The following CDC42SE2 variants were observed in gnomAD, a reference collection of about 807,000 sequenced individuals.
CDC42SE2 encodes CDC42 small effector 2.
Under a neutral mutation model 11.5 loss-of-function variants are expected in CDC42SE2, and 3 were observed. That is an observed-to-expected ratio of 0.26 (90% CI 0.12 to 0.67). The LOEUF (loss-of-function observed/expected upper bound fraction) is 0.67. CDC42SE2 is among the 30% of genes least tolerant of loss of function. CDC42SE2 has a pLI of 0.80. For synonymous variants in CDC42SE2, 33 were observed against 34.8 expected (o/e 0.95, Z 0.18); for missense variants, 82 against 106.8 (o/e 0.77, Z 1.02).
chr5:131,339,891 A>G (rs1308546081), intron 2 of CDC42SE2, among the ~76,000 whole-genome samples: 2 of 152,170 alleles, frequency 1.3e-5, no homozygotes, highest in Non-Finnish European at 2.9e-5. Flanking sequence ...GTTAAATAGC[A>G]GAATAGAAAC....
the CDC42SE2 span, among the ~76,000 whole-genome samples, chr5:131,211,415 T>G: frequency 6.6e-6 from 1 of 152,252 alleles, no homozygotes; most frequent in African/African-American, 2.4e-5. Context: ...CCTCATTTAT[T>G]TCACCATTTA....
intron 2 of CDC42SE2, among the ~76,000 whole-genome samples, chr5:131,352,387 A>G (rs1285649795): frequency 2.0e-5 from 3 of 152,244 alleles, no homozygotes; most frequent in African/African-American, 7.2e-5. Context: ...AATAGAGACA[A>G]CATAGGTAAA....
chr5:131,308,560 A>C (rs1396953583), intron 1 of CDC42SE2, among the ~76,000 whole-genome samples: 1 of 151,874 alleles, frequency 6.6e-6, no homozygotes, highest in Non-Finnish European at 1.5e-5. Context: ...CACGATATTG[A>C]TTCTTCCTAC....
intron 1 of CDC42SE2, among the ~76,000 whole-genome samples, chr5:131,264,565 G>A (rs1035448694): frequency 4.6e-5 from 7 of 152,144 alleles, no homozygotes; most frequent in Non-Finnish European, 1.0e-4. Context: ...GGAGGGCCCG[G>A]GGTCTCTAGG....
At position 131,392,228 on chromosome 5, in the gene CDC42SE2, T is replaced by C. The variant is rs1179900085; in HGVS notation, c.*1137T>C. 1 of 152,780 alleles carries C rather than the reference T, an allele frequency of 6.5e-6. No homozygotes were observed. The highest frequency in any genetic ancestry group is 1.5e-5 in the Non-Finnish European group (1 of 68,030). The allele number at this position is 152,780 out of a possible 1,614,324, so 9.5% of individuals were successfully genotyped here. A position where few individuals can be genotyped will look rare whatever the true frequency, so the allele number is the denominator to read the frequency against. Reference sequence around the variant, plus strand: ...TTTATTGGAAAGCAAGGACCTGCTATTATTTGTTAATTTGCCATCATTTAT... The same window carrying C: ...TTTATTGGAAAGCAAGGACCTGCTACTATTTGTTAATTTGCCATCATTTAT... On this transcript the variant is annotated 3_prime_UTR_variant, in exon 5 of 5. Transcript: ENST00000505065.
At chr5:131,311,455 C>T (rs985734806) in intron 1 of CDC42SE2, among the ~76,000 whole-genome samples, 8 of 151,386 alleles carry the variant, frequency 5.3e-5, no homozygotes, top group South Asian at 2.1e-4. Flanking sequence ...ATCTTTGTGG[C>T]GTTCTCTGTA....
chr5:131,294,099 A>G (rs1258359936), intron 1 of CDC42SE2, among the ~76,000 whole-genome samples: 1 of 152,192 alleles, frequency 6.6e-6, no homozygotes, highest in Non-Finnish European at 1.5e-5. Flanking sequence ...GGGCCACTAC[A>G]TACAAGGATG....
chr5:131,373,384 A>G (rs1056403989), intron 3 of CDC42SE2, among the ~76,000 whole-genome samples: 1 of 152,192 alleles, frequency 6.6e-6, no homozygotes, highest in Admixed American at 6.5e-5. Flanking sequence ...CTGATAAGCA[A>G]GCCAGCCAGC....
the CDC42SE2 span, among the ~76,000 whole-genome samples, chr5:131,236,263 G>T: frequency 4.6e-5 from 7 of 151,756 alleles, no homozygotes; most frequent in South Asian, 2.1e-4. Context: ...TGCATTTTTT[G>T]TCAGATTTAG....
At chr5:131,251,437 CAAGT>C (rs1052662298) in intron 1 of CDC42SE2, among the ~76,000 whole-genome samples, 1 of 152,178 alleles carries the variant, frequency 6.6e-6, no homozygotes, top group African/African-American at 2.4e-5. Context: ...ATGTTAACAT[CAAGT>C]AAGTTAATTT....
At chr5:131,274,086 A>G (rs1318578101) in intron 1 of CDC42SE2, among the ~76,000 whole-genome samples, 3 of 152,234 alleles carry the variant, frequency 2.0e-5, no homozygotes, top group Non-Finnish European at 4.4e-5. Context: ...TATATATTTC[A>G]AACTAAAAAT....
intron 2 of CDC42SE2, among the ~76,000 whole-genome samples, chr5:131,324,239 T>C (rs1337760792): frequency 6.6e-6 from 1 of 152,206 alleles, no homozygotes; most frequent in African/African-American, 2.4e-5. Context: ...GAAGTCATTT[T>C]TTAATAACTT....
intron 2 of CDC42SE2, among the ~76,000 whole-genome samples, chr5:131,349,609 A>G (rs749581108): frequency 3.3e-5 from 5 of 152,186 alleles, no homozygotes; most frequent in African/African-American, 4.8e-5. Context: ...CATGTCGTTC[A>G]AGGGTCAACT....
At chr5:131,246,027 T>C (rs1248900736) in intron 1 of CDC42SE2, among the ~76,000 whole-genome samples, 3 of 152,232 alleles carry the variant, frequency 2.0e-5, no homozygotes, top group African/African-American at 7.2e-5. Flanking sequence ...TTCTTTCATA[T>C]TGAGAATTGT....
chr5:131,240,731 A>G (rs1002859138), upstream of CDC42SE2, among the ~76,000 whole-genome samples: 9 of 152,248 alleles, frequency 5.9e-5, no homozygotes, highest in Admixed American at 2.6e-4. Context: ...TAAACATAAA[A>G]GGGCTTATGG....
At chr5:131,267,450 T>A (rs542094778) in intron 1 of CDC42SE2, among the ~76,000 whole-genome samples, 1 of 152,182 alleles carries the variant, frequency 6.6e-6, no homozygotes, top group African/African-American at 2.4e-5. Context: ...CTAAATAAAT[T>A]TCAGGATTAT....
chr5:131,387,256 T>C (rs1048477428), intron 4 of CDC42SE2, among the ~76,000 whole-genome samples: 3 of 152,128 alleles, frequency 2.0e-5, no homozygotes, highest in African/African-American at 7.2e-5. Flanking sequence ...TTTTAAAAAA[T>C]CCAACTATAA....
chr5:131,323,037 C>T (rs1047504507), intron 2 of CDC42SE2, among the ~76,000 whole-genome samples: 12 of 151,346 alleles, frequency 7.9e-5, no homozygotes, highest in South Asian at 4.2e-4. Flanking sequence ...TTTTTTTCTT[C>T]TTTCTTTTGA....
chr5:131,338,544 T>A (rs1163384702), intron 2 of CDC42SE2, among the ~76,000 whole-genome samples: 1 of 152,220 alleles, frequency 6.6e-6, no homozygotes, highest in African/African-American at 2.4e-5. Flanking sequence ...CCCATCCTGT[T>A]GGCAAATGAA....
Sources: allele counts gnomAD v4.1 joint callset (sites outside exome capture counted in the v4.1 genomes callset), GRCh38; gene constraint gnomAD v4.1.1; transcripts MANE v1.5; gene names NCBI Gene and HGNC (gene_info 2026-07-23, HGNC 2026-07-21).